The following ATP8A2 variants were observed in gnomAD, a reference collection of about 807,000 sequenced individuals.
The protein encoded by ATP8A2 is ATPase phospholipid transporting 8A2.
Under a neutral mutation model 165.6 loss-of-function variants are expected in ATP8A2, and 100 were observed. The observed-to-expected ratio is 0.60, with a 90% CI of 0.51 to 0.71. The LOEUF (loss-of-function observed/expected upper bound fraction) is 0.71, where lower values mean the gene tolerates loss of function less well. Among genes scored for constraint, ATP8A2 ranks in the 30% least tolerant of loss-of-function variants. The probability of loss-of-function intolerance (pLI) is 0.00; values close to 1 mark genes in which losing one functional copy is unlikely to be tolerated. For synonymous variants in ATP8A2, 543 were observed against 548.8 expected, an observed-to-expected ratio of 0.99 and a Z score of 0.15; for missense variants, 1,227 against 1,479.5, an observed-to-expected ratio of 0.83 and a Z score of 2.80.
intron 25 of ATP8A2, among the ~76,000 whole-genome samples, chr13:25,746,756 T>G (rs558286028): frequency 2.6e-5 from 4 of 152,278 alleles, no homozygotes; most frequent in Admixed American, 1.3e-4. Context: ...GCTGAAGTGT[T>G]TAGAGAAAAG....
intron 25 of ATP8A2, among the ~76,000 whole-genome samples, chr13:25,710,758 T>A (rs2043142766): frequency 6.6e-6 from 1 of 152,096 alleles, no homozygotes; most frequent in Admixed American, 6.5e-5. Flanking sequence ...CAGCATGAGG[T>A]GCTATGAAAG....
intron 35 of ATP8A2, among the ~76,000 whole-genome samples, chr13:26,011,301 G>C (rs1956841951): frequency 6.6e-6 from 1 of 152,156 alleles, no homozygotes; most frequent in Non-Finnish European, 1.5e-5. Flanking sequence ...CTTACAGGTG[G>C]CTGTGTGCTC....
At chr13:25,461,757 A>C (rs1890015) in intron 1 of ATP8A2, among the ~76,000 whole-genome samples, 62,461 of 151,876 alleles carry the variant, frequency 0.41, 13,063 homozygotes, top group East Asian at 0.6. Context: ...AAAAGAACTT[A>C]ATTTATATAA....
At chr13:25,424,784 C>T (rs1384593569) in intron 1 of ATP8A2, among the ~76,000 whole-genome samples, 1 of 151,980 alleles carries the variant, frequency 6.6e-6, no homozygotes, top group Non-Finnish European at 1.5e-5. Flanking sequence ...ATGGTAAAAC[C>T]CCGTCTCTAC....
chr13:25,522,915 G>A (rs1387967550), intron 2 of ATP8A2, among the ~76,000 whole-genome samples: 1 of 152,070 alleles, frequency 6.6e-6, no homozygotes, highest in Non-Finnish European at 1.5e-5. Flanking sequence ...CTTGAGATCA[G>A]GAGTTCAAGA....
intron 35 of ATP8A2, among the ~76,000 whole-genome samples, chr13:25,979,597 A>G (rs1273772463): frequency 6.6e-6 from 1 of 152,254 alleles, no homozygotes; most frequent in African/African-American, 2.4e-5. Flanking sequence ...TGTTGGCCTC[A>G]TAGCAAATAG....
chr13:25,860,576 A>G (rs1952318237), intron 31 of ATP8A2, among the ~76,000 whole-genome samples: 1 of 152,172 alleles, frequency 6.6e-6, no homozygotes. Context: ...CAAAACTATT[A>G]TTTATGAGAA....
At chr13:25,780,911 C>G (rs1038115677) in intron 27 of ATP8A2, among the ~76,000 whole-genome samples, 2 of 152,168 alleles carry the variant, frequency 1.3e-5, no homozygotes, top group East Asian at 3.9e-4. Context: ...CCAGTCCAGT[C>G]CGTGGCCCAG....
At chr13:25,664,666 C>T (rs1050261681) in intron 24 of ATP8A2, among the ~76,000 whole-genome samples, 2 of 152,078 alleles carry the variant, frequency 1.3e-5, no homozygotes, top group African/African-American at 4.8e-5. Flanking sequence ...ACCAGGTAGC[C>T]AGAAGGAGCC....
At chr13:25,997,682 C>A (rs778442492) in intron 35 of ATP8A2, among the ~76,000 whole-genome samples, 1 of 152,150 alleles carries the variant, frequency 6.6e-6, no homozygotes, top group Non-Finnish European at 1.5e-5. Flanking sequence ...AGTTCACTAA[C>A]GATTTCCTCT....
At chr13:25,744,432 G>A (rs186932681) in intron 25 of ATP8A2, among the ~76,000 whole-genome samples, 10 of 152,234 alleles carry the variant, frequency 6.6e-5, no homozygotes, top group Admixed American at 1.3e-4. Flanking sequence ...AACTGTGCGT[G>A]TGTTTGCACA....
At chr13:25,933,063 G>A (rs1400957379) in intron 33 of ATP8A2, among the ~76,000 whole-genome samples, 1 of 152,184 alleles carries the variant, frequency 6.6e-6, no homozygotes, top group African/African-American at 2.4e-5. Context: ...GGCCAGGCTG[G>A]TCTCAAACTC....
chr13:25,852,696 G>A (rs1430094844), intron 30 of ATP8A2, among the ~76,000 whole-genome samples: 1 of 152,034 alleles, frequency 6.6e-6, no homozygotes, highest in South Asian at 2.1e-4. Context: ...CAGTTTCTTG[G>A]CCGGGTGCAG....
intron 33 of ATP8A2, among the ~76,000 whole-genome samples, chr13:25,902,939 GCACACACA>G (rs3221410): frequency 2.8e-4 from 39 of 140,524 alleles, no homozygotes; most frequent in Non-Finnish European, 3.7e-4. Flanking sequence ...TCCTCAGCAT[GCACACACA>G]CACACACACA....
At chr13:25,383,481 A>G (rs930707033) in intron 1 of ATP8A2, among the ~76,000 whole-genome samples, 9 of 152,322 alleles carry the variant, frequency 5.9e-5, no homozygotes, top group African/African-American at 2.2e-4. Flanking sequence ...TTTATAAAAA[A>G]ATCAGAAACA....
At chr13:25,779,816 A>G (rs934944459) in intron 27 of ATP8A2, among the ~76,000 whole-genome samples, 2 of 152,220 alleles carry the variant, frequency 1.3e-5, no homozygotes, top group African/African-American at 4.8e-5. Context: ...CCTTAAATGT[A>G]AAGATTAGGG....
At chr13:25,808,133 C>CTT (rs529926089) in intron 27 of ATP8A2, among the ~76,000 whole-genome samples, 39 of 143,576 alleles carry the variant, frequency 2.7e-4, no homozygotes, top group East Asian at 8.3e-4. Context: ...CTCCCCAAGA[C>CTT]TTTTTTTTTT....
chr13:25,506,959 A>ATATATATATATATATC (rs965878307), intron 2 of ATP8A2, among the ~76,000 whole-genome samples: 2 of 145,946 alleles, frequency 1.4e-5, no homozygotes, highest in African/African-American at 2.5e-5. Flanking sequence ...ATATATATAT[A>ATATATATATATATATC]TATCTTATTT....
intron 27 of ATP8A2, 34 bp downstream of exon 27, chr13:25,774,993 A>G (rs2138323188): frequency 1.6e-6 from 2 of 1,224,868 alleles, no homozygotes; most frequent in East Asian, 2.3e-5. Flanking sequence ...TTGAAGAGAA[A>G]GTTCTTTTAA....
Sources: gnomAD v4.1 joint callset for allele counts (sites outside exome capture counted in the v4.1 genomes callset) on GRCh38, gnomAD v4.1.1 for gene constraint, MANE v1.5 for transcripts, NCBI Gene and HGNC (gene_info 2026-07-23, HGNC 2026-07-21) for gene names.